RPTOR: variants seen among roughly 807,000 people sequenced by gnomAD.
RPTOR encodes the protein regulatory associated protein of MTOR complex 1.
RPTOR carries 21 observed loss-of-function variants against 169.9 expected under a neutral mutation model. The observed-to-expected ratio is 0.12, with a 90% CI of 0.09 to 0.18. The LOEUF is 0.18. Among genes scored for constraint, RPTOR ranks in the 10% least tolerant of loss-of-function variants. The pLI is 1.00. For synonymous variants in RPTOR, 732 were observed against 753.2 expected, an observed-to-expected ratio of 0.97 and a Z score of 0.46; for missense variants, 1,133 against 1,855.9, an observed-to-expected ratio of 0.61 and a Z score of 7.16.
In RPTOR at chr17:80,874,354, G is replaced by A. The variant is rs191227230; in HGVS notation, c.1510-6061G>A. Among the ~76,000 whole-genome samples, 656 of 152,138 alleles carry A rather than the reference G, an allele frequency of 4.3e-3. 9 individuals carry two copies. The highest frequency in any genetic ancestry group is 5.7e-3 in the Non-Finnish European group (389 of 67,978). ...TGGGACCACAGGCGCGTGCCACCACGCCCAGCTAATTTTTGTGTTTCTAGT... is the reference window on the plus strand; with the variant it reads ...TGGGACCACAGGCGCGTGCCACCACACCCAGCTAATTTTTGTGTTTCTAGT... On this transcript the variant is annotated intron_variant, in intron 13 of 33. Coordinates refer to ENST00000306801, the MANE Select transcript of RPTOR (RefSeq NM_020761.3).
chr17:80,799,931 T>C (rs1195645800), intron 7 of RPTOR, among the ~76,000 whole-genome samples: 1 of 152,178 alleles, frequency 6.6e-6, no homozygotes, highest in Non-Finnish European at 1.5e-5. Context: ...TGCCCATGTG[T>C]CCTTGCCCGC....
chr17:80,720,772 T>TGCCATCAGCTGAAG (rs2066278803), intron 4 of RPTOR, among the ~76,000 whole-genome samples: 2 of 151,698 alleles, frequency 1.3e-5, no homozygotes, highest in African/African-American at 4.9e-5. Context: ...AGGCCCTCCC[T>TGCCATCAGCTGAAG]GAGCCTCTGC....
intron 3 of RPTOR, among the ~76,000 whole-genome samples, chr17:80,696,537 GC>G (rs1010788310): frequency 9.8e-5 from 15 of 152,310 alleles, no homozygotes; most frequent in African/African-American, 3.4e-4. Flanking sequence ...ACGACTCTGT[GC>G]CCAGAAGCAA....
At chr17:80,560,529 C>A (rs973844664) in intron 1 of RPTOR, among the ~76,000 whole-genome samples, 64 of 152,152 alleles carry the variant, frequency 4.2e-4, no homozygotes, top group African/African-American at 1.4e-3. Context: ...GGAGAAAGGC[C>A]TTCTGGAGGT....
At chr17:80,728,446 G>GTGTGTGTGTGTGTGTGT (rs2066359075) in intron 4 of RPTOR, among the ~76,000 whole-genome samples, 4 of 148,176 alleles carry the variant, frequency 2.7e-5, no homozygotes, top group Non-Finnish European at 3.0e-5. Context: ...TCCACTCTGG[G>GTGTGTGTGTGTGTGTGT]GTGTGTGTGT....
rs2069408059 is a variant in RPTOR at position 80,965,029 on chromosome 17, T to C, written c.*699T>C. 4.3e-6 allele frequency: 1 copy of C among 233,254 alleles called. No homozygotes were observed. The highest frequency in any genetic ancestry group is 8.5e-6 in the Non-Finnish European group (1 of 118,130). 14.4% of individuals were successfully genotyped at this position (233,254 alleles called of 1,614,324 possible). On this transcript the variant is annotated 3_prime_UTR_variant, in exon 34 of 34. Transcript: ENST00000306801. Reference sequence around the variant, plus strand: ...GCACCTCCAGGTCTCTGGACTCCAGTTTTGGCCCCTCTCACACAGAGCTGT... The same window carrying C: ...GCACCTCCAGGTCTCTGGACTCCAGCTTTGGCCCCTCTCACACAGAGCTGT...
intron 24 of RPTOR, among the ~76,000 whole-genome samples, chr17:80,930,363 T>TCCCCA (rs2068873307): frequency 3.5e-5 from 1 of 28,558 alleles, no homozygotes; most frequent in Non-Finnish European, 6.5e-5. Context: ...CCCCAGCTCA[T>TCCCCA]CCTCAGCTCA....
chr17:80,961,731 G>T, intron 31 of RPTOR: 1 of 469,446 alleles, frequency 2.1e-6, no homozygotes, highest in Non-Finnish European at 3.8e-6. Context: ...CAACTGCGGA[G>T]GGTTCCGGGG....
rs563440464 is a variant in RPTOR, at chr17:80,811,128, A to G, written c.891-11073A>G. Among the ~76,000 whole-genome samples the G allele has an allele frequency of 1.3e-4, 20 of 152,328 alleles. No homozygotes were observed. In the South Asian group the frequency reaches 3.7e-3, roughly 28 times the overall value. On this transcript the variant is annotated intron_variant, in intron 7 of 33. Coordinates refer to ENST00000306801, the MANE Select transcript of RPTOR (RefSeq NM_020761.3). ...TCCAGTATAATGTTAAATGGACGCA[A>G]TACAGCTGGGTGTTGAAGCCCTGAT...
At chr17:80,949,314 A>G (rs2069143729) in intron 27 of RPTOR, 129 bp from the exon 28 acceptor site, 2 of 767,228 alleles carry the variant, frequency 2.6e-6, no homozygotes, top group East Asian at 2.5e-5. Flanking sequence ...AACCACGGGT[A>G]GTGAGTCAGG....
At chr17:80,799,303 C>T (rs561506869) in intron 7 of RPTOR, among the ~76,000 whole-genome samples, 4 of 152,344 alleles carry the variant, frequency 2.6e-5, no homozygotes, top group African/African-American at 7.2e-5. Context: ...AACCCCACCA[C>T]AACACAGCAC....
intron 1 of RPTOR, among the ~76,000 whole-genome samples, chr17:80,552,698 G>A (rs4889857): frequency 0.87 from 132,082 of 152,266 alleles, 59,010 homozygotes; most frequent in East Asian, 1. Flanking sequence ...CATTCTCTCC[G>A]TGTTACTGAT....
In RPTOR at chr17:80,848,144, G is replaced by A. The variant is rs914694624; in HGVS notation, c.1314+1570G>A. ...TGTCCTCGCCGGCATTGTCTCAGGC[G>A]GGCAACAAAGAACCAGTGTGCCAGC... On this transcript the variant is annotated intron_variant, in intron 11 of 33. Transcript: ENST00000306801. 3.9e-5 allele frequency among the ~76,000 whole-genome samples: 6 copies of A among 152,194 alleles called. No individual in the cohort carries two copies. In the East Asian group the frequency reaches 7.7e-4, roughly 20 times the overall value.
intron 1 of RPTOR, among the ~76,000 whole-genome samples, chr17:80,549,502 G>A (rs1020610380): frequency 4.6e-5 from 7 of 151,972 alleles, no homozygotes; most frequent in African/African-American, 7.3e-5. Flanking sequence ...TATTAGAGAC[G>A]GGGTTTCACT....
At chr17:80,663,687 T>C (rs1322873211) in intron 3 of RPTOR, among the ~76,000 whole-genome samples, 1 of 152,204 alleles carries the variant, frequency 6.6e-6, no homozygotes, top group East Asian at 1.9e-4. Context: ...TACACATTAC[T>C]GGGCTTAAGA....
At chr17:80,905,151 A>T (rs1421630610) in intron 20 of RPTOR, among the ~76,000 whole-genome samples, 1 of 150,394 alleles carries the variant, frequency 6.6e-6, no homozygotes, top group East Asian at 2.0e-4. Flanking sequence ...AACCCAGCAC[A>T]GTGTGTCAAC....
intron 27 of RPTOR, among the ~76,000 whole-genome samples, chr17:80,949,114 C>T (rs6565501): frequency 0.36 from 54,742 of 152,038 alleles, 10,588 homozygotes; most frequent in East Asian, 0.55. Context: ...CCAGGGAACC[C>T]GATGCCCTGG....
chr17:80,732,877 T>G (rs2066403953), intron 5 of RPTOR, among the ~76,000 whole-genome samples: 2 of 152,246 alleles, frequency 1.3e-5, no homozygotes, highest in Admixed American at 6.5e-5. Context: ...TCAAATTCTT[T>G]GTAAATTTAC....
chr17:80,556,859 C>T (rs1405474116), intron 1 of RPTOR, among the ~76,000 whole-genome samples: 2 of 151,590 alleles, frequency 1.3e-5, no homozygotes, highest in Non-Finnish European at 2.9e-5. Context: ...TTTGGGAGGT[C>T]GAGGCGGGTG....
Sources: gnomAD v4.1 joint callset for allele counts (sites outside exome capture counted in the v4.1 genomes callset) on GRCh38, gnomAD v4.1.1 for gene constraint, MANE v1.5 for transcripts, NCBI Gene and HGNC (gene_info 2026-07-23, HGNC 2026-07-21) for gene names.